Variants in AGAP2 observed in about 807,000 individuals in gnomAD.
The protein encoded by AGAP2 is arf-GAP with GTPase, ANK repeat and PH domain-containing protein 2.
In AGAP2, 32 loss-of-function variants were observed where a neutral mutation model predicts 110.9. The ratio of observed to expected loss-of-function variants is 0.29; its 90% CI spans 0.22 to 0.39. AGAP2 has a LOEUF of 0.39. Ranked by LOEUF, AGAP2 falls within the 10% of genes least tolerant of loss-of-function variation. The pLI is 1.00. For synonymous variants in AGAP2, 702 were observed against 713.0 expected, an observed-to-expected ratio of 0.98 and a Z score of 0.25; for missense variants, 1,285 against 1,638.5, an observed-to-expected ratio of 0.78 and a Z score of 3.72.
chr12:57,724,907 GTCCTC>G (rs1954735991), downstream of AGAP2: 1 of 152,316 alleles, frequency 6.6e-6, no homozygotes, highest in African/African-American at 2.4e-5. Flanking sequence ...CCATGGGCCT[GTCCTC>G]TCCTCTAAGT....
intron 12 of AGAP2, 141 bp from the exon 13 acceptor site, chr12:57,729,908 G>T: frequency 8.1e-7 from 1 of 1,229,876 alleles, no homozygotes; most frequent in Non-Finnish European, 1.1e-6. Context: ...GTTCCCCCTT[G>T]ATCATTCCTG....
In AGAP2 at chr12:57,732,542, G is replaced by A. The variant is rs759545842; in HGVS notation, c.1685-30C>T. 8 of 1,556,474 alleles carry A rather than the reference G, an allele frequency of 5.1e-6. No homozygotes were observed. In the African/African-American group the frequency reaches 1.1e-4, roughly 21 times the overall value. The stretch of plus-strand genomic sequence containing the variant: ...GGGGAGTTGACGGAAGGAGGTGTGA[G>A]CAGGCCAGATACCCAAGACCACCCT... On this transcript the variant is annotated intron_variant, in intron 6 of 18. Transcript: ENST00000547588.
At chr12:57,731,257 A>G (rs1383295315) in intron 10 of AGAP2, 109 bp downstream of exon 10, 1 of 951,752 alleles carries the variant, frequency 1.1e-6, no homozygotes, top group African/African-American at 1.6e-5. Context: ...TTAAGAGAAG[A>G]GGACTAGCAC....
intron 10 of AGAP2, 133 bp downstream of exon 10, chr12:57,731,233 C>A: frequency 1.2e-6 from 1 of 823,248 alleles, no homozygotes; most frequent in East Asian, 2.5e-5. Context: ...GCTCTTAACA[C>A]ATGCCTGCTA....
intron 1 of AGAP2, among the ~76,000 whole-genome samples, chr12:57,736,127 G>C (rs1954977328): frequency 6.6e-6 from 1 of 151,182 alleles, no homozygotes. Context: ...CCTGACACCG[G>C]CCGGACGTTC....
In AGAP2 at chr12:57,734,198, G is replaced by A. The variant is rs574583582; in HGVS notation, c.1402-25C>T. On this transcript the variant is annotated intron_variant, in intron 4 of 18. Transcript: ENST00000547588. Reference sequence around the variant, plus strand: ...ACTTGCGGGGAGTGAGGGAGCAAATGGAAAGTCAGACAGGTCTACTCCTCT... The same window carrying A: ...ACTTGCGGGGAGTGAGGGAGCAAATAGAAAGTCAGACAGGTCTACTCCTCT... 1.6e-5 allele frequency: 25 copies of A among 1,603,956 alleles called. No homozygotes were observed. In the East Asian group the frequency reaches 4.9e-4, roughly 32 times the overall value.
intron 4 of AGAP2, 48 bp downstream of exon 4, chr12:57,734,271 G>T (rs1954938684): frequency 6.2e-7 from 1 of 1,613,388 alleles, no homozygotes; most frequent in East Asian, 2.2e-5. Context: ...CTCTCCTTTG[G>T]CCAGTGCTGA....
At chr12:57,740,588 T>C (rs1270873194), upstream of AGAP2, among the ~76,000 whole-genome samples, 2 of 152,198 alleles carry the variant, frequency 1.3e-5, no homozygotes, top group Non-Finnish European at 2.9e-5. Flanking sequence ...GCACAGCTTT[T>C]CTGCCTGGCC....
chr12:57,728,191 G>T (rs1954810322), intron 14 of AGAP2, 106 bp from the exon 15 acceptor site: 4 of 1,517,792 alleles, frequency 2.6e-6, no homozygotes, highest in Non-Finnish European at 1.8e-6. Flanking sequence ...TGGGAGTGGG[G>T]CAGTGGGGGT....
chr12:57,740,589 C>G (rs922716958), upstream of AGAP2, among the ~76,000 whole-genome samples: 1 of 152,192 alleles, frequency 6.6e-6, no homozygotes, highest in Non-Finnish European at 1.5e-5. Flanking sequence ...CACAGCTTTT[C>G]TGCCTGGCCT....
At chr12:57,730,112 CTA>C (rs201186091) in intron 12 of AGAP2, among the ~76,000 whole-genome samples, 1 of 117,100 alleles carries the variant, frequency 8.5e-6, no homozygotes, top group Non-Finnish European at 1.9e-5. Flanking sequence ...TATTTGCATA[CTA>C]TATATATATA....
In AGAP2 at chr12:57,727,721, G is replaced by T. The variant is rs1282345970; in HGVS notation, c.2817C>A (p.Asn939Lys). ...CCACGCAGATTGAATTCCCCTTGGC[G>T]TTCCGGATCGCCTGGATGGCCACGG... is the stretch of plus-strand genomic sequence containing the variant. The part of the protein sequence containing the change: ...SEAVAIQAIR[N>K]AKGNSICVDC... The change falls in exon 16 of 19, where the codon AAC becomes AAA. Residue 939 changes from asparagine (N) to lysine (K), a missense_variant. Transcript: ENST00000547588. 1.2e-6 allele frequency: 2 copies of T among 1,600,954 alleles called. No homozygotes were observed. The highest frequency in any genetic ancestry group is 8.5e-7 in the Non-Finnish European group (1 of 1,172,652).
At chr12:57,733,518 G>A (rs941377236) in intron 5 of AGAP2, among the ~76,000 whole-genome samples, 1 of 152,180 alleles carries the variant, frequency 6.6e-6, no homozygotes, top group Non-Finnish European at 1.5e-5. Flanking sequence ...TCCTGGCCCT[G>A]GCAGAGTCTG....
At chr12:57,731,300 G>T in intron 10 of AGAP2, 66 bp downstream of exon 10, 1 of 1,320,426 alleles carries the variant, frequency 7.6e-7, no homozygotes, top group Non-Finnish European at 1.1e-6. Context: ...TTTGTCAGAG[G>T]CATAGACAGG....
In AGAP2 at chr12:57,732,948, C is replaced by T. The variant is rs115767833; in HGVS notation, c.1581G>A (p.Val527=). 4.3e-4 allele frequency: 691 copies of T among 1,614,088 alleles called. 1 individual carries two copies. The African/African-American group carries it at 7.8e-3, about 18-fold the overall frequency. Residue 527 remains valine, a synonymous_variant, in exon 6 of 19, where the codon GTG becomes GTA. Coordinates refer to ENST00000547588, the MANE Select transcript of AGAP2 (RefSeq NM_001122772.3). ...ACAGAGCTCTGGCACGAGCATCTCC[C>T]ACCACCCGAGGGGAGGAAGCACTGA... ...DRISASSPRV[V]GDARARALCA...
In AGAP2 at chr12:57,730,825, C is replaced by T. The variant is rs376807049; in HGVS notation, c.2274G>A (p.Lys758=). The change falls in exon 11 of 19, where the codon AAG becomes AAA. Residue 758 remains lysine (K), a synonymous_variant. Coordinates refer to ENST00000547588, the MANE Select transcript of AGAP2 (RefSeq NM_001122772.3). ...CACCCATCTGGACAGTGCTCATGTC[C>T]TTGACGAGCCCGTTAATGCTGGCTG... ...GPSASINGLV[K]DMSTVQMGEG... 2 of 1,613,928 alleles carry T rather than the reference C, an allele frequency of 1.2e-6. No individual in the cohort carries two copies. Among genetic ancestry groups the T allele is most frequent in the African/African-American group, 2.7e-5 (2 of 74,930 alleles).
chr12:57,732,058 C>T, intron 7 of AGAP2, 91 bp from the exon 8 acceptor site: 1 of 1,371,950 alleles, frequency 7.3e-7, no homozygotes, highest in Non-Finnish European at 9.9e-7. Flanking sequence ...TTGAGACATT[C>T]CTTGATCACC....
rs1382903333 is a variant in AGAP2, at chr12:57,737,444, G to A, written c.803C>T (p.Pro268Leu). ...AGAGARGKLS[P>L]RKGKSKTLDN... is the part of the protein sequence containing the mutation. ...CAAGGTCTTACTCTTGCCTTTCCGA[G>A]GGGACAACTTCCCTCGGGCTCCAGC... The change falls in exon 1 of 19, where the codon CCT (proline) becomes CTT (leucine). Residue 268 changes from proline to leucine, a missense_variant. Physicochemically the swap from Pro to Leu is moderately conservative, Grantham distance 98. Coordinates refer to ENST00000547588, the MANE Select transcript of AGAP2 (RefSeq NM_001122772.3). The surrounding 1 kb of genome is among the most constrained non-coding windows in gnomAD (Gnocchi z 5.9). 1.9e-6 allele frequency: 3 copies of A among 1,613,394 alleles called. No homozygotes were observed. Among genetic ancestry groups the A allele is most frequent in the Non-Finnish European group, 1.7e-6 (2 of 1,179,764 alleles).
At position 57,738,302 on chromosome 12, in the gene AGAP2, G is replaced by C; in HGVS notation, c.-56C>G. 1 of 1,405,038 alleles carries C rather than the reference G, an allele frequency of 7.1e-7. No homozygotes were observed. The highest frequency in any genetic ancestry group is 9.2e-7 in the Non-Finnish European group (1 of 1,085,190). 87.0% of individuals were successfully genotyped at this position (1,405,038 alleles called of 1,614,324 possible). ...GAGGGGACTCCCCCGGACTGCCTCA[G>C]GGGGGCCCGGCCATGGGGCCGCCCT... On this transcript the variant is annotated 5_prime_UTR_variant, in exon 1 of 19. Coordinates refer to ENST00000547588, the MANE Select transcript of AGAP2 (RefSeq NM_001122772.3). This position sits in a 1 kb window ranked among gnomAD's most constrained non-coding sequence, Gnocchi z 6.7.
Sources: gnomAD v4.1 joint callset for allele counts (sites outside exome capture counted in the v4.1 genomes callset) on GRCh38, gnomAD v4.1.1 for gene constraint, Gnocchi (gnomAD v3.1) non-coding constraint, MANE v1.5 for transcripts, NCBI Gene and HGNC (gene_info 2026-07-23, HGNC 2026-07-21) for gene names.